The following GCN1 variants were observed in gnomAD, a reference collection of about 807,000 sequenced individuals.
The protein encoded by GCN1 is stalled ribosome sensor GCN1.
Under a neutral mutation model 288.4 loss-of-function variants are expected in GCN1, and 90 were observed. The observed-to-expected ratio is 0.31, with a 90% confidence interval of 0.26 to 0.37. The LOEUF (loss-of-function observed/expected upper bound fraction) is 0.37, where lower values mean the gene tolerates loss of function less well. GCN1 is among the 10% of genes least tolerant of loss of function. The pLI, the probability that GCN1 is intolerant of heterozygous loss-of-function variation, is 1.00. For missense variants in GCN1, 2,586 were observed against 3,419.9 expected (o/e 0.76, Z 6.08); for synonymous variants, 1,386 against 1,420.2 (o/e 0.98, Z 0.54).
rs1876945474 is a variant in GCN1 at position 120,134,824 on chromosome 12, C to G, written c.7009-98G>C. The G allele has an allele frequency of 2.7e-5, 26 of 980,280 alleles. No individual in the cohort carries two copies. The East Asian group carries it at 6.4e-4, about 24-fold the overall frequency. The allele number at this position is 980,280 out of a possible 1,614,324, so 60.7% of individuals were successfully genotyped here. A position where few individuals can be genotyped will look rare whatever the true frequency, so the allele number is the denominator to read the frequency against. ...AACAAATGACAATCCCAAACCACCA[C>G]AGCGAGTCCAGCTCTCATACAGGGC... On this transcript the variant is annotated intron_variant, in intron 51 of 57. Coordinates refer to ENST00000300648, the MANE Select transcript of GCN1 (RefSeq NM_006836.2). This position sits in a 1 kb window ranked among gnomAD's most constrained non-coding sequence, Gnocchi z 5.0.
Position 120,177,544 on chromosome 12 carries a change from G to A in GCN1, c.741C>T (p.Ala247=). The A allele has an allele frequency of 1.2e-6, 2 of 1,608,332 alleles. No individual in the cohort carries two copies. Among genetic ancestry groups the A allele is most frequent in the Non-Finnish European group, 1.7e-6 (2 of 1,174,794 alleles). The part of the protein sequence containing the change: ...KPPKYLLDSC[A]PLLRYLSHSE... ...AGTGGGACAGGTATCGGAGCAGAGG[G>A]GCACAGCTATCCTACAAAGAAAAAG... The change falls in exon 9 of 58, where the codon GCC becomes GCT. Residue 247 remains alanine, a synonymous_variant. Transcript: ENST00000300648.
rs1379478219 is a variant in GCN1, at chr12:120,192,130, TG to T, written c.19-1731del. 8.5e-5 allele frequency among the ~76,000 whole-genome samples: 13 copies of T among 152,358 alleles called. No homozygotes were observed. In the East Asian group the frequency reaches 2.5e-3, roughly 29 times the overall value. On this transcript the variant is annotated intron_variant, in intron 1 of 57. Coordinates refer to ENST00000300648, the MANE Select transcript of GCN1 (RefSeq NM_006836.2). ...TTTCCCACCTCACTTCAGTTTGACTTGTTTTATCTGTTCTTATAAATAATTA... is the reference window on the plus strand; with the variant it reads ...TTTCCCACCTCACTTCAGTTTGACTTTTTTATCTGTTCTTATAAATAATTA...
chr12:120,157,274 A>C (rs1877780353), intron 26 of GCN1, among the ~76,000 whole-genome samples: 2 of 152,256 alleles, frequency 1.3e-5, no homozygotes, highest in South Asian at 4.1e-4. Context: ...ACTTTAAATG[A>C]AATGCAAAAT....
intron 4 of GCN1, 127 bp downstream of exon 4, chr12:120,183,985 C>T (rs1594289343): frequency 3.3e-6 from 3 of 896,502 alleles, no homozygotes; most frequent in East Asian, 2.5e-5. Context: ...CCCTGCTCCT[C>T]GGGAAAGTGG....
rs961274582 is a variant in GCN1, at chr12:120,177,436, C to G, written c.838+11G>C. 4 of 1,395,466 alleles carry G rather than the reference C, an allele frequency of 2.9e-6. No homozygotes were observed. The highest frequency in any genetic ancestry group is 1.8e-4 in the Middle Eastern group (1 of 5,670). 86.4% of individuals were successfully genotyped at this position (1,395,466 alleles called of 1,614,324 possible). ...ATCTCCCTCCCACCATCCTGGTTGA[C>G]AGCAACCTACTTTCAATAACATTCT... On this transcript the variant is annotated intron_variant, in intron 9 of 57. Coordinates refer to ENST00000300648, the MANE Select transcript of GCN1 (RefSeq NM_006836.2).
Position 120,176,165 on chromosome 12 carries a change from C to G in GCN1, c.891G>C (p.Met297Ile), listed in dbSNP as rs765356050. 14 of 1,611,290 alleles carry G rather than the reference C, an allele frequency of 8.7e-6. No individual in the cohort carries two copies. The highest frequency in any genetic ancestry group is 1.1e-5 in the Non-Finnish European group (13 of 1,177,386). Residue 297 changes from methionine (M) to isoleucine (I), a missense_variant, in exon 10 of 58, where the codon ATG becomes ATC. Physicochemically the swap from Met to Ile is conservative, Grantham distance 10. This residue lies in a region of GCN1 where 913 missense variants were observed against 1,107.0 expected (regional missense o/e 0.82). Coordinates refer to ENST00000300648, the MANE Select transcript of GCN1 (RefSeq NM_006836.2). ...CACCAGCCAGTCCTTTCACGATGTCCATGGCATACTGGCTGAGGTCAAGCG... is the reference window on the plus strand; with the variant it reads ...CACCAGCCAGTCCTTTCACGATGTCGATGGCATACTGGCTGAGGTCAAGCG... ...SVTLDLSQYA[M>I]DIVKGLAGHL...
At chr12:120,130,821 T>C in intron 55 of GCN1, 68 bp from the exon 56 acceptor site, 3 of 942,364 alleles carry the variant, frequency 3.2e-6, no homozygotes, top group Non-Finnish European at 5.0e-6. Context: ...AAAACCCCAG[T>C]TCCTAGTAAT....
chr12:120,156,881 C>A lies in GCN1; in HGVS notation c.3168+31G>T. On this transcript the variant is annotated intron_variant, in intron 27 of 57. Transcript: ENST00000300648. The surrounding 1 kb of genome is among the most constrained non-coding windows in gnomAD (Gnocchi z 5.8). Reference sequence around the variant, plus strand: ...TTGAGGTCTGGGTCACGAACTGAGTCACAGCAACAGCCAACTGAAAACCAC... The same window carrying A: ...TTGAGGTCTGGGTCACGAACTGAGTAACAGCAACAGCCAACTGAAAACCAC... 6.8e-7 allele frequency: 1 copy of A among 1,468,134 alleles called. No individual in the cohort carries two copies. The highest frequency in any genetic ancestry group is 1.1e-5 in the South Asian group (1 of 88,188). 90.9% of individuals were successfully genotyped at this position (1,468,134 alleles called of 1,614,324 possible). A position where few individuals can be genotyped will look rare whatever the true frequency, so the allele number is the denominator to read the frequency against.
chr12:120,184,204 C>T lies in GCN1; in HGVS notation c.225G>A (p.Gln75=). ...CTTCTGGCTGGGCCTCAGCCAACTG[C>T]TGGATGGCTGCCTGCAAGGCCCTGC... ...ASRRALQAAI[Q]QLAEAQPEAT... The change falls in exon 4 of 58, where the codon CAG becomes CAA. Residue 75 remains glutamine (Q), a synonymous_variant. Transcript: ENST00000300648. The T allele has an allele frequency of 6.2e-7, 1 of 1,613,632 alleles. No homozygotes were observed. The highest frequency in any genetic ancestry group is 8.5e-7 in the Non-Finnish European group (1 of 1,179,618).
chr12:120,163,323 A>T, intron 18 of GCN1, 64 bp from the exon 19 acceptor site: 1 of 1,342,374 alleles, frequency 7.4e-7, no homozygotes, highest in Non-Finnish European at 1.1e-6. Context: ...CACAGGAACC[A>T]AATATGCTAC....
At position 120,155,463 on chromosome 12, in the gene GCN1, C is replaced by T. The variant is rs763132209; in HGVS notation, c.3441-33G>A. ...AGATCCAAGGCAGGGGCTGCTTAGA[C>T]AAAGATCTGCAGCACTTGCCCTGCC... On this transcript the variant is annotated intron_variant, in intron 29 of 57. Transcript: ENST00000300648. This position sits in a 1 kb window ranked among gnomAD's most constrained non-coding sequence, Gnocchi z 4.9. The T allele has an allele frequency of 6.2e-7, 1 of 1,606,946 alleles. No individual in the cohort carries two copies. Among genetic ancestry groups the T allele is most frequent in the East Asian group, 2.2e-5 (1 of 44,808 alleles).
At chr12:120,186,285 G>A (rs1878818359) in intron 2 of GCN1, among the ~76,000 whole-genome samples, 3 of 151,952 alleles carry the variant, frequency 2.0e-5, no homozygotes, top group Non-Finnish European at 2.9e-5. Context: ...GCTGCAAAGA[G>A]AATCGCTTGA....
At chr12:120,165,231 T>C (rs968155508) in intron 16 of GCN1, among the ~76,000 whole-genome samples, 5 of 151,956 alleles carry the variant, frequency 3.3e-5, no homozygotes, top group Non-Finnish European at 7.4e-5. Context: ...GAGACTGGGT[T>C]TCACCATGTT....
chr12:120,154,822 C>A (rs1048636714), intron 31 of GCN1, 148 bp downstream of exon 31: 3 of 1,277,712 alleles, frequency 2.3e-6, no homozygotes, highest in Non-Finnish European at 3.3e-6. Context: ...CCCACCCCTT[C>A]CAGGGGCTGA....
intron 5 of GCN1, among the ~76,000 whole-genome samples, chr12:120,181,055 T>C (rs1241430801): frequency 6.6e-6 from 1 of 151,564 alleles, no homozygotes; most frequent in Non-Finnish European, 1.5e-5. Context: ...GCAATGCTGA[T>C]AAATTCCATT....
intron 9 of GCN1, among the ~76,000 whole-genome samples, chr12:120,176,624 T>C (rs1227340681): frequency 1.3e-5 from 2 of 152,234 alleles, no homozygotes; most frequent in African/African-American, 2.4e-5. Context: ...GAACACTTGA[T>C]ATTTTCTGGG....
At chr12:120,177,058 G>A (rs1213687735) in intron 9 of GCN1, among the ~76,000 whole-genome samples, 1 of 152,076 alleles carries the variant, frequency 6.6e-6, no homozygotes, top group Non-Finnish European at 1.5e-5. Flanking sequence ...GAGCCACCGC[G>A]CCTGGCCTCT....
chr12:120,131,367 A>G, intron 54 of GCN1, 34 bp from the exon 55 acceptor site: 1 of 1,608,116 alleles, frequency 6.2e-7, no homozygotes, highest in East Asian at 2.2e-5. Context: ...ATCAACCGGT[A>G]TTTTACAGCA....
At chr12:120,175,939 CTT>C (rs1878469490) in intron 10 of GCN1, 65 bp from the exon 11 acceptor site, 1 of 1,556,802 alleles carries the variant, frequency 6.4e-7, no homozygotes, top group Non-Finnish European at 8.7e-7. Flanking sequence ...TCGTCTTTGT[CTT>C]TTCCATGCCC....
Sources: gnomAD v4.1 joint callset for allele counts (sites outside exome capture counted in the v4.1 genomes callset) on GRCh38, gnomAD v4.1.1 for gene constraint, gnomAD v4.1.1 regional missense constraint, Gnocchi (gnomAD v3.1) non-coding constraint, MANE v1.5 for transcripts, NCBI Gene and HGNC (gene_info 2026-07-23, HGNC 2026-07-21) for gene names.